Variants in MAPK4 observed in about 807,000 individuals in gnomAD.
The protein encoded by MAPK4 is mitogen-activated protein kinase 4.
Under a neutral mutation model 47.7 loss-of-function variants are expected in MAPK4, and 22 were observed. The ratio of observed to expected loss-of-function variants is 0.46; its 90% CI spans 0.33 to 0.66. The LOEUF (loss-of-function observed/expected upper bound fraction) is 0.66, where lower values mean the gene tolerates loss of function less well. Among genes scored for constraint, MAPK4 ranks in the 30% least tolerant of loss-of-function variants. The probability of loss-of-function intolerance (pLI) is 0.02; values close to 1 mark genes in which losing one functional copy is unlikely to be tolerated. For missense variants in MAPK4, 736 were observed against 831.7 expected, an observed-to-expected ratio of 0.88 and a Z score of 1.42; for synonymous variants, 390 against 365.7, an observed-to-expected ratio of 1.07 and a Z score of -0.76.
intron 3 of MAPK4, among the ~76,000 whole-genome samples, chr18:50,721,305 GATAA>G (rs1568097537): frequency 6.6e-6 from 1 of 152,138 alleles, no homozygotes; most frequent in African/African-American, 2.4e-5. Context: ...GAAGGTGCTC[GATAA>G]ATAACTATTT....
chr18:50,598,476 G>C (rs1025128811), intron 1 of MAPK4, among the ~76,000 whole-genome samples: 5 of 152,066 alleles, frequency 3.3e-5, no homozygotes, highest in Non-Finnish European at 7.4e-5. Flanking sequence ...ATCATCTCAA[G>C]AACTTCTAAG....
intron 1 of MAPK4, among the ~76,000 whole-genome samples, chr18:50,606,615 AC>A (rs1433737795): frequency 6.6e-6 from 1 of 152,178 alleles, no homozygotes; most frequent in East Asian, 1.9e-4. Flanking sequence ...TGACTGTGTG[AC>A]CTACCTAAAC....
intron 1 of MAPK4, among the ~76,000 whole-genome samples, chr18:50,652,463 A>T (rs1415865137): frequency 6.6e-6 from 1 of 152,016 alleles, no homozygotes; most frequent in Non-Finnish European, 1.5e-5. Flanking sequence ...GAAGTCAAGA[A>T]CTCTATGAAA....
At chr18:50,608,728 T>A (rs572144004) in intron 1 of MAPK4, among the ~76,000 whole-genome samples, 48 of 152,212 alleles carry the variant, frequency 3.2e-4, no homozygotes, top group African/African-American at 9.6e-4. Flanking sequence ...TATTATTATT[T>A]TTGTTTAGTA....
At chr18:50,569,485 T>A (rs1011367647) in intron 1 of MAPK4, among the ~76,000 whole-genome samples, 12 of 152,210 alleles carry the variant, frequency 7.9e-5, no homozygotes, top group African/African-American at 2.4e-4. Flanking sequence ...ATTTTCTAGA[T>A]CACCCAGATG....
Position 50,560,208 on chromosome 18 carries a change from C to G in MAPK4, c.-906C>G, listed in dbSNP as rs1280419629. ...CCGCGGCCGCAGACAAAGGGCGGCT[C>G]GCGCCCGGGCCGCCACGCTCTCGGG... is the stretch of plus-strand genomic sequence containing the variant. On this transcript the variant is annotated 5_prime_UTR_variant, in exon 1 of 6. Coordinates refer to ENST00000400384, the MANE Select transcript of MAPK4 (RefSeq NM_002747.4). 1 of 150,900 alleles carries G rather than the reference C, an allele frequency of 6.6e-6. No individual in the cohort carries two copies. The highest frequency in any genetic ancestry group is 2.4e-5 in the African/African-American group (1 of 41,206). 9.3% of individuals were successfully genotyped at this position (150,900 alleles called of 1,614,324 possible).
chr18:50,601,097 T>TA (rs3080769), intron 1 of MAPK4, among the ~76,000 whole-genome samples: 1,908 of 134,438 alleles, frequency 0.014, 43 homozygotes, highest in African/African-American at 0.05. Context: ...CCTATCTCTG[T>TA]AAAAAAAAAA....
At chr18:50,653,688 T>A (rs2043076696) in intron 1 of MAPK4, among the ~76,000 whole-genome samples, 1 of 152,236 alleles carries the variant, frequency 6.6e-6, no homozygotes, top group African/African-American at 2.4e-5. Context: ...CCACGCACTG[T>A]GCTGAGTTGA....
At chr18:50,575,082 G>T (rs2042283122) in intron 1 of MAPK4, among the ~76,000 whole-genome samples, 1 of 152,172 alleles carries the variant, frequency 6.6e-6, no homozygotes, top group African/African-American at 2.4e-5. Context: ...CCTTCGGGGA[G>T]GCGTTTAGGT....
rs1911476842 is a variant in MAPK4 at position 50,730,077 on chromosome 18, A to T, written c.*223A>T. 1 of 437,962 alleles carries T rather than the reference A, an allele frequency of 2.3e-6. No homozygotes were observed. The highest frequency in any genetic ancestry group is 4.0e-6 in the Non-Finnish European group (1 of 249,490). 27.1% of individuals were successfully genotyped at this position (437,962 alleles called of 1,614,324 possible). ...GAACAGGACCCTGGCTTAGGGGTTG[A>T]TCACTTTCCTAGCAAAGGGGAGACC... On this transcript the variant is annotated 3_prime_UTR_variant, in exon 6 of 6. Coordinates refer to ENST00000400384, the MANE Select transcript of MAPK4 (RefSeq NM_002747.4).
At position 50,664,396 on chromosome 18, in the gene MAPK4, G is replaced by A; in HGVS notation, c.438G>A (p.Leu146=). ...AGTACATCCACTCCGCCAACGTGCT[G>A]CACAGGGACCTGAAGCCCGCCAACA... ...GLKYIHSANV[L]HRDLKPANIF... The change falls in exon 2 of 6, where the codon CTG becomes CTA. Residue 146 remains leucine, a synonymous_variant. Transcript: ENST00000400384. The surrounding 1 kb of genome is among the most constrained non-coding windows in gnomAD (Gnocchi z 6.0). 6.2e-7 allele frequency: 1 copy of A among 1,614,096 alleles called. No individual in the cohort carries two copies. The highest frequency in any genetic ancestry group is 8.5e-7 in the Non-Finnish European group (1 of 1,180,038).
chr18:50,582,244 G>A (rs1251567243), intron 1 of MAPK4, among the ~76,000 whole-genome samples: 1 of 152,196 alleles, frequency 6.6e-6, no homozygotes. Context: ...ACACTCAGTG[G>A]CTCCTAGTGG....
At chr18:50,615,250 C>T (rs2149379432) in intron 1 of MAPK4, among the ~76,000 whole-genome samples, 1 of 152,212 alleles carries the variant, frequency 6.6e-6, no homozygotes, top group Non-Finnish European at 1.5e-5. Context: ...GTGCACATGC[C>T]CTCTTCTGTC....
At chr18:50,616,874 T>C (rs8096818) in intron 1 of MAPK4, among the ~76,000 whole-genome samples, 52,289 of 152,136 alleles carry the variant, frequency 0.34, 9,246 homozygotes, top group Admixed American at 0.38. Context: ...CTGACTCAAA[T>C]GTTAATCTCG....
chr18:50,724,446 CA>C (rs373154969), intron 4 of MAPK4, among the ~76,000 whole-genome samples: 21 of 152,074 alleles, frequency 1.4e-4, no homozygotes, highest in Middle Eastern at 3.4e-3. Flanking sequence ...TGGCTGGGGC[CA>C]AAAAAGGGGC....
chr18:50,681,558 A>C (rs1032603513), intron 2 of MAPK4, among the ~76,000 whole-genome samples: 2 of 152,136 alleles, frequency 1.3e-5, no homozygotes, highest in South Asian at 2.1e-4. Flanking sequence ...TTAGCTCTTC[A>C]GTTTAGGTCT....
At chr18:50,652,951 G>A (rs1051703630) in intron 1 of MAPK4, among the ~76,000 whole-genome samples, 4 of 152,108 alleles carry the variant, frequency 2.6e-5, no homozygotes, top group African/African-American at 9.7e-5. Flanking sequence ...GGAGGTTGAG[G>A]CAGGAAGATT....
chr18:50,631,794 C>T lies in MAPK4; in HGVS notation c.-870-31295C>T, dbSNP rs16952244. 4.9e-3 allele frequency among the ~76,000 whole-genome samples: 751 copies of T among 152,268 alleles called. 1 individual carries two copies. The highest frequency in any genetic ancestry group is 0.017 in the African/African-American group (722 of 41,550). On this transcript the variant is annotated intron_variant, in intron 1 of 5. Coordinates refer to ENST00000400384, the MANE Select transcript of MAPK4 (RefSeq NM_002747.4). ...CCTGGAGAGATGTGCTGAAGCCAAA[C>T]GTGGAAAAGTTGTCTGATTAGAATG...
chr18:50,730,139 C>A lies in MAPK4; in HGVS notation c.*285C>A. On this transcript the variant is annotated 3_prime_UTR_variant, in exon 6 of 6. Coordinates refer to ENST00000400384, the MANE Select transcript of MAPK4 (RefSeq NM_002747.4). ...ACAGGGAAGAAACGGCTTTAGACAG[C>A]AGTCTGCGGGCCCCACCTGGGTGGC... 3.4e-6 allele frequency: 1 copy of A among 297,132 alleles called. No individual in the cohort carries two copies. Among genetic ancestry groups the A allele is most frequent in the Non-Finnish European group, 6.2e-6 (1 of 161,056 alleles). 18.4% of individuals were successfully genotyped at this position (297,132 alleles called of 1,614,324 possible). A position where few individuals can be genotyped will look rare whatever the true frequency, so the allele number is the denominator to read the frequency against.
Sources: allele counts gnomAD v4.1 joint callset (sites outside exome capture counted in the v4.1 genomes callset), GRCh38; gene constraint gnomAD v4.1.1; non-coding constraint Gnocchi (gnomAD v3.1); transcripts MANE v1.5; gene names NCBI Gene and HGNC (gene_info 2026-07-23, HGNC 2026-07-21).